SEPTIN7: variants seen among roughly 807,000 people sequenced by gnomAD.
SEPTIN7 encodes septin 7, also known as septin-7.
Under a neutral mutation model 63.3 loss-of-function variants are expected in SEPTIN7, and 10 were observed. That is an observed-to-expected ratio of 0.16 (90% confidence interval 0.10 to 0.27). The LOEUF (loss-of-function observed/expected upper bound fraction) is 0.27. Among genes scored for constraint, SEPTIN7 ranks in the 10% least tolerant of loss-of-function variants. The pLI, the probability that SEPTIN7 is intolerant of heterozygous loss-of-function variation, is 1.00. For missense variants in SEPTIN7, 310 were observed against 521.0 expected (o/e 0.59, Z 3.94); for synonymous variants, 131 against 165.3 (o/e 0.79, Z 1.59).
chr7:35,841,424 T>C (rs76247145), intron 3 of SEPTIN7, among the ~76,000 whole-genome samples: 1,676 of 152,364 alleles, frequency 0.011, 39 homozygotes, highest in East Asian at 0.08. Context: ...TATCCTAATA[T>C]GGTCTTTGAA....
chr7:35,908,646 G>T (rs1479421527), downstream of SEPTIN7, among the ~76,000 whole-genome samples: 2 of 151,752 alleles, frequency 1.3e-5, no homozygotes, highest in East Asian at 1.9e-4. Flanking sequence ...GGCTAGCAGA[G>T]GGGGGGTAGT....
At chr7:35,886,423 G>A (rs1405505600) in intron 10 of SEPTIN7, among the ~76,000 whole-genome samples, 1 of 18,592 alleles carries the variant, frequency 5.4e-5, no homozygotes, top group Non-Finnish European at 3.3e-4. Context: ...CCTGATTAGA[G>A]GACCAGGACT....
At chr7:35,848,080 C>G (rs1405059973) in intron 3 of SEPTIN7, 1 of 152,158 alleles carries the variant, frequency 6.6e-6, no homozygotes, top group Non-Finnish European at 1.5e-5. Context: ...CTGTAAGTTG[C>G]CCTCTACTTT....
chr7:35,833,246 A>G (rs1218731657), intron 3 of SEPTIN7, among the ~76,000 whole-genome samples: 3 of 152,012 alleles, frequency 2.0e-5, no homozygotes, highest in Non-Finnish European at 4.4e-5. Flanking sequence ...TATATGCTAT[A>G]GTGGAGTATC....
chr7:35,882,764 G>A (rs187765506), intron 8 of SEPTIN7, among the ~76,000 whole-genome samples, 188 bp downstream of exon 8: 1 of 152,000 alleles, frequency 6.6e-6, no homozygotes, highest in African/African-American at 2.4e-5. Context: ...ATAAGGAATT[G>A]TATAAACTAC....
At chr7:35,897,547 T>G (rs1333252195) in intron 11 of SEPTIN7, among the ~76,000 whole-genome samples, 2 of 152,192 alleles carry the variant, frequency 1.3e-5, no homozygotes, top group Non-Finnish European at 2.9e-5. Context: ...TGTCTATTTT[T>G]TTGGCATTTA....
At chr7:35,825,220 T>C (rs1783438305) in intron 1 of SEPTIN7, among the ~76,000 whole-genome samples, 2 of 152,150 alleles carry the variant, frequency 1.3e-5, no homozygotes, top group South Asian at 4.1e-4. Flanking sequence ...CTTTGTATCT[T>C]TAGTGTTCTT....
intron 11 of SEPTIN7, among the ~76,000 whole-genome samples, chr7:35,896,198 A>G (rs1049359362): frequency 6.6e-6 from 1 of 152,206 alleles, no homozygotes; most frequent in Non-Finnish European, 1.5e-5. Flanking sequence ...GGTGGCAAAA[A>G]TACTTGCTCT....
intron 1 of SEPTIN7, among the ~76,000 whole-genome samples, chr7:35,808,945 C>T (rs1260043706): frequency 6.6e-6 from 1 of 152,134 alleles, no homozygotes. Context: ...CTAACAAATA[C>T]ACTAACTGTT....
intron 4 of SEPTIN7, among the ~76,000 whole-genome samples, chr7:35,865,331 GAT>G (rs920036491): frequency 1.4e-4 from 22 of 152,260 alleles, no homozygotes; most frequent in African/African-American, 4.8e-4. Context: ...ACCCCCCAAA[GAT>G]ACACACCTTA....
intron 1 of SEPTIN7, among the ~76,000 whole-genome samples, chr7:35,819,982 CTT>C (rs556829718): frequency 2.0e-4 from 28 of 140,512 alleles, no homozygotes; most frequent in Admixed American, 4.3e-4. Context: ...TACATCTTGT[CTT>C]TTTTTTTTTT....
intron 3 of SEPTIN7, among the ~76,000 whole-genome samples, chr7:35,853,588 C>T (rs1447132076): frequency 1.3e-5 from 2 of 152,182 alleles, no homozygotes; most frequent in African/African-American, 2.4e-5. Context: ...TGGCAAGTTA[C>T]TTTCAGAGGT....
rs1160144688 is a variant in SEPTIN7 at position 35,801,238 on chromosome 7, C to T, written c.29C>T (p.Ala10Val). The change falls in exon 1 of 14, where the codon GCT becomes GTT. Residue 10 changes from alanine (A) to valine (V), a missense_variant. Ala to Val is a moderately conservative substitution (Grantham distance 64). This residue lies in a region of SEPTIN7 where 55 missense variants were observed against 30.5 expected (regional missense o/e 1.80). Coordinates refer to ENST00000350320, the MANE Select transcript of SEPTIN7 (RefSeq NM_001788.6). Reference protein sequence around the residue: MSVSARSAAAEERSVNSSTM... With the variant: MSVSARSAAVEERSVNSSTM... ...TCGGTCAGTGCGAGATCCGCTGCTG[C>T]TGAGGAGAGGAGCGTCAACAGCAGC... is the stretch of plus-strand genomic sequence containing the variant. 9 of 1,535,658 alleles carry T rather than the reference C, an allele frequency of 5.9e-6. No individual in the cohort carries two copies. The highest frequency in any genetic ancestry group is 4.1e-5 in the Admixed American group (2 of 48,802).
the SEPTIN7 span, among the ~76,000 whole-genome samples, chr7:35,912,559 T>A: frequency 1.3e-5 from 2 of 152,230 alleles, no homozygotes; most frequent in African/African-American, 4.8e-5. Flanking sequence ...CCTCTATATT[T>A]CTGTGTGTGT....
chr7:35,806,731 G>A (rs929591957), intron 1 of SEPTIN7, among the ~76,000 whole-genome samples: 1 of 152,140 alleles, frequency 6.6e-6, no homozygotes, highest in Non-Finnish European at 1.5e-5. Context: ...ATTTCTAATA[G>A]CCATGAATTA....
At chr7:35,883,416 G>A (rs558325778) in intron 8 of SEPTIN7, among the ~76,000 whole-genome samples, 40 of 152,214 alleles carry the variant, frequency 2.6e-4, no homozygotes, top group African/African-American at 8.4e-4. Context: ...GCTGAACATG[G>A]ATGAACACAA....
intron 4 of SEPTIN7, among the ~76,000 whole-genome samples, chr7:35,870,004 A>G (rs1356556351): frequency 6.6e-6 from 1 of 152,180 alleles, no homozygotes; most frequent in African/African-American, 2.4e-5. Context: ...AAAGTTTGAA[A>G]TTCTTGGACT....
chr7:35,907,257 C>G (rs150835807), downstream of SEPTIN7, among the ~76,000 whole-genome samples: 33 of 152,242 alleles, frequency 2.2e-4, no homozygotes, highest in Non-Finnish European at 4.1e-4. Flanking sequence ...ATTTGCCACA[C>G]CAGTAAATCG....
At chr7:35,837,916 G>A (rs1014569648) in intron 3 of SEPTIN7, among the ~76,000 whole-genome samples, 1 of 151,896 alleles carries the variant, frequency 6.6e-6, no homozygotes, top group Non-Finnish European at 1.5e-5. Flanking sequence ...TAGAGATAGG[G>A]TTTCACCATG....
Sources: gnomAD v4.1 joint callset for allele counts (sites outside exome capture counted in the v4.1 genomes callset) on GRCh38, gnomAD v4.1.1 for gene constraint, gnomAD v4.1.1 regional missense constraint, MANE v1.5 for transcripts, NCBI Gene and HGNC (gene_info 2026-07-23, HGNC 2026-07-21) for gene names.